POGZ: variants seen among roughly 807,000 people sequenced by gnomAD.
POGZ encodes pogo transposable element derived with ZNF domain, also known as pogo transposable element with ZNF domain.
In POGZ, 17 loss-of-function variants were observed where a neutral mutation model predicts 134.6. The ratio of observed to expected loss-of-function variants is 0.13; its 90% CI spans 0.09 to 0.19. POGZ has a LOEUF of 0.19. POGZ is among the 10% of genes least tolerant of loss of function. The pLI, the probability that POGZ is intolerant of heterozygous loss-of-function variation, is 1.00. For synonymous variants in POGZ, 693 were observed against 657.1 expected (o/e 1.05, Z -0.84); for missense variants, 1,306 against 1,769.7 (o/e 0.74, Z 4.70).
intron 10 of POGZ, among the ~76,000 whole-genome samples, chr1:151,416,792 T>C (rs1655801005): frequency 6.7e-6 from 1 of 149,592 alleles, no homozygotes; most frequent in Non-Finnish European, 1.5e-5. Context: ...CCTGGCTAAT[T>C]AAAAAAAAAT....
intron 1 of POGZ, among the ~76,000 whole-genome samples, chr1:151,449,009 AGG>A (rs1248930657): frequency 6.6e-6 from 1 of 152,316 alleles, no homozygotes; most frequent in East Asian, 1.9e-4. Context: ...CAAATGCATG[AGG>A]GGGTGGTGGC....
intron 1 of POGZ, among the ~76,000 whole-genome samples, chr1:151,448,655 G>A (rs1661602471): frequency 6.6e-6 from 1 of 151,674 alleles, no homozygotes; most frequent in African/African-American, 2.4e-5. Flanking sequence ...TGAGCCCAGA[G>A]GTTCGAGACC....
Position 151,403,789 on chromosome 1 carries a change from G to A in POGZ, c.*1013C>T, listed in dbSNP as rs1160602993. 6 of 985,544 alleles carry A rather than the reference G, an allele frequency of 6.1e-6. No individual in the cohort carries two copies. Among genetic ancestry groups the A allele is most frequent in the Non-Finnish European group, 6.0e-6 (5 of 829,882 alleles). The allele number at this position is 985,544 out of a possible 1,614,324, so 61.0% of individuals were successfully genotyped here. Reference sequence around the variant, plus strand: ...CTTCTTGAACAATTAGCTCCTGGCTGTAGGACCAGTAATCCCTTAAACAGG... The same window carrying A: ...CTTCTTGAACAATTAGCTCCTGGCTATAGGACCAGTAATCCCTTAAACAGG... On this transcript the variant is annotated 3_prime_UTR_variant, in exon 19 of 19. Transcript: ENST00000271715.
At chr1:151,455,898 T>TC (rs1305248317) in intron 1 of POGZ, among the ~76,000 whole-genome samples, 5,490 of 141,112 alleles carry the variant, frequency 0.039, 270 homozygotes, top group African/African-American at 0.11. Context: ...TTCTTTCTTT[T>TC]TTTTTTTTTT....
At chr1:151,408,646 C>T in intron 13 of POGZ, 48 bp downstream of exon 13, 4 of 1,604,880 alleles carry the variant, frequency 2.5e-6, no homozygotes, top group East Asian at 2.2e-5. Context: ...CTGAAAATCT[C>T]TATTCCTCCC....
intron 12 of POGZ, 73 bp from the exon 13 acceptor site, chr1:151,408,901 A>G: frequency 7.6e-7 from 1 of 1,322,864 alleles, no homozygotes; most frequent in Non-Finnish European, 1.1e-6. Flanking sequence ...TTTGAGGAGA[A>G]AGCAGATCAA....
At chr1:151,440,146 T>C (rs891598901) in intron 3 of POGZ, among the ~76,000 whole-genome samples, 5 of 151,704 alleles carry the variant, frequency 3.3e-5, no homozygotes, top group African/African-American at 1.2e-4. Flanking sequence ...CCATCAGTTA[T>C]CTTCAGGTGG....
At chr1:151,439,358 A>G (rs868580868) in intron 3 of POGZ, among the ~76,000 whole-genome samples, 1 of 152,152 alleles carries the variant, frequency 6.6e-6, no homozygotes, top group African/African-American at 2.4e-5. Context: ...TAAAATCATC[A>G]TATTTTCAGT....
Position 151,403,650 on chromosome 1 carries a change from C to T in POGZ, c.*1152G>A, listed in dbSNP as rs1653085397. On this transcript the variant is annotated 3_prime_UTR_variant, in exon 19 of 19. Transcript: ENST00000271715. ...AGATTCATGTCATTTTCTTTGTGCA[C>T]ACCCCTGTGCGCTTCTTCCTGTCAG... is the stretch of plus-strand genomic sequence containing the variant. The T allele has an allele frequency of 1.0e-6, 1 of 985,554 alleles. No individual in the cohort carries two copies. The highest frequency in any genetic ancestry group is 6.1e-5 in the Admixed American group (1 of 16,262). 61.1% of individuals were successfully genotyped at this position (985,554 alleles called of 1,614,324 possible). A position where few individuals can be genotyped will look rare whatever the true frequency, so the allele number is the denominator to read the frequency against.
At chr1:151,445,375 A>T (rs988911102) in intron 1 of POGZ, among the ~76,000 whole-genome samples, 4 of 152,050 alleles carry the variant, frequency 2.6e-5, no homozygotes, top group Non-Finnish European at 5.9e-5. Flanking sequence ...TACAAAAATT[A>T]GCCGGACATG....
intron 1 of POGZ, among the ~76,000 whole-genome samples, chr1:151,454,159 C>G (rs567154437): frequency 6.6e-6 from 1 of 152,204 alleles, no homozygotes; most frequent in South Asian, 2.1e-4. Context: ...TACATACCTG[C>G]CCAAAAATCA....
chr1:151,441,567 G>A (rs1410561622), intron 2 of POGZ, among the ~76,000 whole-genome samples: 1 of 152,070 alleles, frequency 6.6e-6, no homozygotes. Context: ...CTGAATTCAG[G>A]GCAATCTAGA....
chr1:151,409,675 T>C (rs1571346966), intron 12 of POGZ, among the ~76,000 whole-genome samples: 1 of 152,312 alleles, frequency 6.6e-6, no homozygotes, highest in East Asian at 1.9e-4. Flanking sequence ...AGATGTTGTC[T>C]CACCATGTTG....
intron 10 of POGZ, 117 bp from the exon 11 acceptor site, chr1:151,412,513 T>C (rs1654844170): frequency 6.3e-6 from 4 of 636,650 alleles, no homozygotes; most frequent in South Asian, 5.7e-5. Flanking sequence ...CAGTAAATCA[T>C]AGGTCCCTTC....
intron 1 of POGZ, among the ~76,000 whole-genome samples, chr1:151,446,046 CTT>C (rs573169016): frequency 1.0e-4 from 13 of 123,888 alleles, no homozygotes; most frequent in Admixed American, 2.6e-4. Context: ...CGTCTTTCAA[CTT>C]TTTTTTTTTT....
At chr1:151,410,829 C>G (rs1453177573) in intron 12 of POGZ, among the ~76,000 whole-genome samples, 1 of 152,196 alleles carries the variant, frequency 6.6e-6, no homozygotes, top group Non-Finnish European at 1.5e-5. Context: ...ATTCACCCAA[C>G]TGCCCAAGAC....
At chr1:151,431,239 A>G (rs1658645581) in intron 3 of POGZ, among the ~76,000 whole-genome samples, 1 of 149,952 alleles carries the variant, frequency 6.7e-6, no homozygotes, top group Admixed American at 6.6e-5. Context: ...CTTCACCCAT[A>G]TGTCTTCACT....
Position 151,403,836 on chromosome 1 carries a change from TGAA to T in POGZ, c.*963_*965del. On this transcript the variant is annotated 3_prime_UTR_variant, in exon 19 of 19. Transcript: ENST00000271715. Reference sequence around the variant, plus strand: ...CAGGCATGCTCTCCATCTAACAGGATGAAGTTCAGTAAAGCAGGGACTGCCCCT... The same window carrying T: ...CAGGCATGCTCTCCATCTAACAGGATGTTCAGTAAAGCAGGGACTGCCCCT... 3.0e-6 allele frequency: 3 copies of T among 985,478 alleles called. No individual in the cohort carries two copies. Among genetic ancestry groups the T allele is most frequent in the Non-Finnish European group, 3.6e-6 (3 of 829,930 alleles). The allele number at this position is 985,478 out of a possible 1,614,324, so 61.0% of individuals were successfully genotyped here.
chr1:151,441,595 C>G (rs1002319250), intron 2 of POGZ, among the ~76,000 whole-genome samples: 6 of 152,184 alleles, frequency 3.9e-5, no homozygotes, highest in African/African-American at 1.4e-4. Flanking sequence ...CCAGCAGTAT[C>G]ACCTTTATGA....
Sources: allele counts gnomAD v4.1 joint callset (sites outside exome capture counted in the v4.1 genomes callset), GRCh38; gene constraint gnomAD v4.1.1; transcripts MANE v1.5; gene names NCBI Gene and HGNC (gene_info 2026-07-23, HGNC 2026-07-21).